GPC5: variants seen among roughly 807,000 people sequenced by gnomAD.
GPC5 encodes glypican 5, also known as glypican-5.
A neutral mutation model predicts 53.9 loss-of-function variants in GPC5; 47 were observed. The observed-to-expected ratio is 0.87, with a 90% confidence interval of 0.69 to 1.11. The LOEUF is 1.11. Among genes scored for constraint, GPC5 ranks in the 50% most tolerant of loss-of-function variants. The probability of loss-of-function intolerance (pLI) is 0.00; values close to 1 mark genes in which losing one functional copy is unlikely to be tolerated. For synonymous variants in GPC5, 286 were observed against 263.3 expected (o/e 1.09, Z -0.84); for missense variants, 748 against 713.1 (o/e 1.05, Z -0.56).
chr13:92,473,136 C>A (rs9589553), intron 7 of GPC5, among the ~76,000 whole-genome samples: 2,402 of 152,004 alleles, frequency 0.016, 61 homozygotes, highest in African/African-American at 0.053. Flanking sequence ...CAGCACAAAC[C>A]ACATATTTTC....
chr13:91,522,651 C>T (rs111650555), intron 2 of GPC5, among the ~76,000 whole-genome samples: 2,103 of 152,210 alleles, frequency 0.014, 46 homozygotes, highest in African/African-American at 0.045. Context: ...TCTCCTAATG[C>T]TATCCCTCAC....
chr13:91,972,377 G>A (rs1366259360), intron 6 of GPC5, among the ~76,000 whole-genome samples: 4 of 152,108 alleles, frequency 2.6e-5, no homozygotes, highest in African/African-American at 9.7e-5. Context: ...CGTGAGATGG[G>A]TTTCCTGAAT....
intron 7 of GPC5, among the ~76,000 whole-genome samples, chr13:92,420,066 T>C (rs557286950): frequency 5.3e-4 from 80 of 152,326 alleles, no homozygotes; most frequent in African/African-American, 1.8e-3. Flanking sequence ...TCTACATCCC[T>C]TATTAACATA....
intron 7 of GPC5, among the ~76,000 whole-genome samples, chr13:92,825,895 T>C (rs559383565): frequency 6.6e-6 from 1 of 152,290 alleles, no homozygotes; most frequent in South Asian, 2.1e-4. Context: ...ATGCTACAAA[T>C]ACATAAAATC....
At chr13:91,674,346 C>A (rs1265596325) in intron 2 of GPC5, among the ~76,000 whole-genome samples, 1 of 151,552 alleles carries the variant, frequency 6.6e-6, no homozygotes, top group Non-Finnish European at 1.5e-5. Flanking sequence ...AATATTTTCT[C>A]CTTCAAATAT....
rs1230472088 is a variant in GPC5, at chr13:92,066,163, A to G, written c.1402-78667A>G. Among the ~76,000 whole-genome samples the G allele has an allele frequency of 4.6e-5, 7 of 152,224 alleles. No individual in the cohort carries two copies. In the South Asian group the frequency reaches 8.3e-4, roughly 18 times the overall value. On this transcript the variant is annotated intron_variant, in intron 6 of 7. Transcript: ENST00000377067. ...TTGGATAGTTTTAGATCTATTAGCG[A>G]CAGAATACTCAAGCTCTTGAAAATA...
At position 92,866,333 on chromosome 13, in the gene GPC5, A is replaced by T. The variant is rs1230856713; in HGVS notation, c.1613A>T (p.Asp538Val). The T allele has an allele frequency of 6.2e-7, 1 of 1,613,054 alleles. No homozygotes were observed. Among genetic ancestry groups the T allele is most frequent in the Admixed American group, 1.7e-5 (1 of 59,942 alleles). ...GATGTAAAGCAAATCCATCAAACAGACACTGGCAGTACTTTAGACACAACA... is the reference window on the plus strand; with the variant it reads ...GATGTAAAGCAAATCCATCAAACAGTCACTGGCAGTACTTTAGACACAACA... Reference protein sequence around the residue: ...FSDVKQIHQTDTGSTLDTTGA... With the variant: ...FSDVKQIHQTVTGSTLDTTGA... Residue 538 changes from aspartate to valine, a missense_variant, in exon 8 of 8, where the codon GAC becomes GTC. Asp to Val is a radical substitution (Grantham distance 152, BLOSUM62 -3). Transcript: ENST00000377067.
chr13:91,494,388 C>T (rs1395160508), intron 2 of GPC5, among the ~76,000 whole-genome samples: 2 of 151,284 alleles, frequency 1.3e-5, no homozygotes, highest in Non-Finnish European at 2.9e-5. Flanking sequence ...TTCCTATCAG[C>T]ATACTAATAA....
intron 7 of GPC5, among the ~76,000 whole-genome samples, chr13:92,596,021 T>A (rs1014688866): frequency 2.0e-5 from 3 of 152,152 alleles, no homozygotes; most frequent in Non-Finnish European, 4.4e-5. Context: ...TGCACAAAAA[T>A]TTCATACTTG....
intron 7 of GPC5, among the ~76,000 whole-genome samples, chr13:92,300,146 T>A (rs1261735989): frequency 1.3e-5 from 2 of 152,188 alleles, no homozygotes; most frequent in Non-Finnish European, 2.9e-5. Flanking sequence ...CACTTTCCAT[T>A]TGCAGACTAT....
At chr13:92,271,618 T>C (rs1196132673) in intron 7 of GPC5, among the ~76,000 whole-genome samples, 1 of 152,082 alleles carries the variant, frequency 6.6e-6, no homozygotes, top group East Asian at 1.9e-4. Context: ...AATAGGCACG[T>C]TTAGTAAGGA....
chr13:91,563,598 A>G (rs557714645), intron 2 of GPC5, among the ~76,000 whole-genome samples: 1 of 152,320 alleles, frequency 6.6e-6, no homozygotes, highest in South Asian at 2.1e-4. Context: ...ATTGCTATTC[A>G]TTTCTTTAGT....
chr13:92,090,866 T>G (rs186159509), intron 6 of GPC5, among the ~76,000 whole-genome samples: 1 of 152,196 alleles, frequency 6.6e-6, no homozygotes, highest in South Asian at 2.1e-4. Flanking sequence ...ATCCAAAAAA[T>G]TTTTGTCTGG....
intron 2 of GPC5, among the ~76,000 whole-genome samples, chr13:91,611,361 T>C (rs1200946234): frequency 6.6e-6 from 1 of 152,192 alleles, no homozygotes; most frequent in African/African-American, 2.4e-5. Context: ...CTTTAAGTGA[T>C]AAAGATAAAA....
rs117434664 is a variant in GPC5 at position 92,644,940 on chromosome 13, G to C, written c.1562-221342G>C. ...ATGAGAACCATATAAGGTAAACTTTGTTGGACTTATGACTCAGTCATAGGC... is the reference window on the plus strand; with the variant it reads ...ATGAGAACCATATAAGGTAAACTTTCTTGGACTTATGACTCAGTCATAGGC... On this transcript the variant is annotated intron_variant, in intron 7 of 7. Transcript: ENST00000377067. 9.9e-5 allele frequency among the ~76,000 whole-genome samples: 15 copies of C among 152,180 alleles called. No homozygotes were observed. The East Asian group carries it at 2.7e-3, about 27-fold the overall frequency.
In GPC5 at chr13:92,646,100, T is replaced by A. The variant is rs185174003; in HGVS notation, c.1562-220182T>A. Among the ~76,000 whole-genome samples, 397 of 152,246 alleles carry A rather than the reference T, an allele frequency of 2.6e-3. 6 individuals carry two copies. The highest frequency in any genetic ancestry group is 9.1e-3 in the African/African-American group (379 of 41,580). On this transcript the variant is annotated intron_variant, in intron 7 of 7. Coordinates refer to ENST00000377067, the MANE Select transcript of GPC5 (RefSeq NM_004466.6). Reference sequence around the variant, plus strand: ...TCACCTTATCTAAGAAATCTTTTCCTAACCATGTTCATAAAGATTTTCTCA... The same window carrying A: ...TCACCTTATCTAAGAAATCTTTTCCAAACCATGTTCATAAAGATTTTCTCA...
intron 6 of GPC5, among the ~76,000 whole-genome samples, chr13:91,911,952 G>C (rs1312523307): frequency 1.3e-5 from 2 of 152,134 alleles, no homozygotes; most frequent in African/African-American, 4.8e-5. Flanking sequence ...ATGCTTATTA[G>C]ATACCCAAGA....
At position 91,728,591 on chromosome 13, in the gene GPC5, T is replaced by C. The variant is rs776083179; in HGVS notation, c.1080T>C (p.Phe360=). The C allele has an allele frequency of 6.2e-7, 1 of 1,613,442 alleles. No individual in the cohort carries two copies. The highest frequency in any genetic ancestry group is 1.7e-5 in the Admixed American group (1 of 59,978). The part of the protein sequence containing the change: ...RTPTQSPRCS[F]DQSKEKHGMK... ...CCACACAAAGCCCCCGTTGTTCTTT[T>C]GATCAGAGCAAAGAGAAGCATGGAA... Residue 360 remains phenylalanine (F), a synonymous_variant, in exon 4 of 8, where the codon TTT becomes TTC. Coordinates refer to ENST00000377067, the MANE Select transcript of GPC5 (RefSeq NM_004466.6).
chr13:92,706,225 A>C (rs1887947910), intron 7 of GPC5, among the ~76,000 whole-genome samples: 1 of 152,146 alleles, frequency 6.6e-6, no homozygotes, highest in Non-Finnish European at 1.5e-5. Flanking sequence ...TTTGTAGGGA[A>C]CCATTTTCAA....
Sources: allele counts gnomAD v4.1 joint callset (sites outside exome capture counted in the v4.1 genomes callset), GRCh38; gene constraint gnomAD v4.1.1; transcripts MANE v1.5; gene names NCBI Gene and HGNC (gene_info 2026-07-23, HGNC 2026-07-21).